Variants in CNTNAP2 observed in about 807,000 individuals in gnomAD.
CNTNAP2 encodes contactin associated protein 2.
A neutral mutation model predicts 155.2 loss-of-function variants in CNTNAP2; 98 were observed. The observed-to-expected ratio is 0.63, with a 90% CI of 0.54 to 0.75. The LOEUF (loss-of-function observed/expected upper bound fraction) is 0.75, where lower values mean the gene tolerates loss of function less well. Ranked by LOEUF, CNTNAP2 falls within the 30% of genes least tolerant of loss-of-function variation. CNTNAP2 has a pLI of 0.00. For synonymous variants in CNTNAP2, 651 were observed against 631.2 expected, an observed-to-expected ratio of 1.03 and a Z score of -0.47; for missense variants, 1,727 against 1,688.1, an observed-to-expected ratio of 1.02 and a Z score of -0.40.
At chr7:146,294,157 T>C (rs991302899) in intron 1 of CNTNAP2, among the ~76,000 whole-genome samples, 3 of 152,230 alleles carry the variant, frequency 2.0e-5, no homozygotes, top group African/African-American at 7.2e-5. Flanking sequence ...GGAGAAGTTC[T>C]TTTTAAATAC....
chr7:147,385,207 G>A (rs1334778266), intron 9 of CNTNAP2, among the ~76,000 whole-genome samples: 1 of 152,142 alleles, frequency 6.6e-6, no homozygotes, highest in East Asian at 1.9e-4. Flanking sequence ...GGGAAGTGTG[G>A]GAGTTACAAT....
chr7:147,763,127 C>G (rs989627467), intron 13 of CNTNAP2, among the ~76,000 whole-genome samples: 2 of 151,840 alleles, frequency 1.3e-5, no homozygotes, highest in African/African-American at 4.8e-5. Context: ...AGCATGGAGG[C>G]GCATGCCTGT....
intron 1 of CNTNAP2, among the ~76,000 whole-genome samples, chr7:146,514,055 G>T (rs527297231): frequency 2.2e-3 from 337 of 151,602 alleles, no homozygotes; most frequent in African/African-American, 7.8e-3. Context: ...ACCTGGCCTG[G>T]TTTTCACTGA....
chr7:146,898,499 T>A (rs1336244003), intron 3 of CNTNAP2, among the ~76,000 whole-genome samples: 1 of 150,244 alleles, frequency 6.7e-6, no homozygotes. Flanking sequence ...AAAAAAACAA[T>A]AATAATAATA....
intron 18 of CNTNAP2, among the ~76,000 whole-genome samples, chr7:148,188,410 G>C (rs568319807): frequency 6.6e-6 from 1 of 152,254 alleles, no homozygotes; most frequent in African/African-American, 2.4e-5. Context: ...TTTAGGAGTG[G>C]GGAAGACATT....
At chr7:148,183,475 CT>C (rs71527885) in intron 18 of CNTNAP2, among the ~76,000 whole-genome samples, 2,175 of 82,216 alleles carry the variant, frequency 0.026, 18 homozygotes, top group African/African-American at 0.076. Context: ...TACTTATTTG[CT>C]TTTTTTTTTT....
In CNTNAP2 at chr7:147,128,785, C is replaced by G; in HGVS notation, c.1032C>G (p.Gly344=). 1 of 1,614,018 alleles carries G rather than the reference C, an allele frequency of 6.2e-7. No individual in the cohort carries two copies. Among genetic ancestry groups the G allele is most frequent in the Non-Finnish European group, 8.5e-7 (1 of 1,179,942 alleles). Residue 344 remains glycine (G), a synonymous_variant, in exon 7 of 24, where the codon GGC becomes GGG. Transcript: ENST00000361727. ...KGCMESINYN[G]VNITDLARRK... is the part of the protein sequence containing the mutation. Reference sequence around the variant, plus strand: ...GCATGGAAAGCATCAACTACAATGGCGTCAACATTACTGATCTTGCCAGAA... The same window carrying G: ...GCATGGAAAGCATCAACTACAATGGGGTCAACATTACTGATCTTGCCAGAA...
chr7:147,752,299 G>A lies in CNTNAP2; in HGVS notation c.2098+112993G>A, dbSNP rs192804337. On this transcript the variant is annotated intron_variant, in intron 13 of 23. Coordinates refer to ENST00000361727, the MANE Select transcript of CNTNAP2 (RefSeq NM_014141.6). The stretch of plus-strand genomic sequence containing the variant: ...TTGGGGCCACACTTTTTTTCTGAAG[G>A]GTAACCTTCAAGGTATTTTCCCTGA... Among the ~76,000 whole-genome samples the A allele has an allele frequency of 1.1e-4, 16 of 139,832 alleles. No homozygotes were observed. In the East Asian group the frequency reaches 3.2e-3, roughly 28 times the overall value. 91.7% of individuals were successfully genotyped at this position (139,832 alleles called of 152,430 possible).
chr7:146,386,214 A>C (rs1795458310), intron 1 of CNTNAP2, among the ~76,000 whole-genome samples: 1 of 152,108 alleles, frequency 6.6e-6, no homozygotes, highest in East Asian at 1.9e-4. Context: ...TCCAACACCC[A>C]AACTCCCATG....
intron 1 of CNTNAP2, among the ~76,000 whole-genome samples, chr7:146,134,164 C>A (rs943232096): frequency 6.6e-6 from 1 of 151,898 alleles, no homozygotes; most frequent in African/African-American, 2.4e-5. Flanking sequence ...GTATTTTATT[C>A]TTTTTGAAGC....
At chr7:147,182,258 C>A (rs972974136) in intron 8 of CNTNAP2, among the ~76,000 whole-genome samples, 5 of 150,944 alleles carry the variant, frequency 3.3e-5, no homozygotes, top group African/African-American at 1.2e-4. Flanking sequence ...GATAGTACAG[C>A]CCATTAATTA....
intron 12 of CNTNAP2, among the ~76,000 whole-genome samples, chr7:147,638,206 T>C (rs1795213035): frequency 6.6e-6 from 1 of 152,182 alleles, no homozygotes; most frequent in Non-Finnish European, 1.5e-5. Flanking sequence ...TGCTTCTTTT[T>C]TTCTACTGGG....
intron 13 of CNTNAP2, among the ~76,000 whole-genome samples, chr7:147,812,289 C>G (rs984889156): frequency 6.6e-6 from 1 of 152,204 alleles, no homozygotes. Flanking sequence ...TCACATTAGA[C>G]TTTTTCGTTG....
intron 17 of CNTNAP2, among the ~76,000 whole-genome samples, chr7:148,155,775 G>A (rs1422149862): frequency 6.6e-6 from 1 of 152,206 alleles, no homozygotes; most frequent in Non-Finnish European, 1.5e-5. Flanking sequence ...GGGTGGAATG[G>A]AGGGGTCCTA....
In CNTNAP2 at chr7:146,537,818, C is replaced by T. The variant is rs541687013; in HGVS notation, c.98-236453C>T. On this transcript the variant is annotated intron_variant, in intron 1 of 23. Transcript: ENST00000361727. The stretch of plus-strand genomic sequence containing the variant: ...GGCCAGTAAGACTTGGGTTGAGTTA[C>T]GTGGGGGATATTAGCAGCAGATGAC... Among the ~76,000 whole-genome samples, 15 of 152,000 alleles carry T rather than the reference C, an allele frequency of 9.9e-5. 1 individual carries two copies. In the South Asian group the frequency reaches 2.7e-3, roughly 27 times the overall value.
intron 1 of CNTNAP2, among the ~76,000 whole-genome samples, chr7:146,460,350 A>G (rs1796618594): frequency 6.6e-6 from 1 of 150,838 alleles, no homozygotes; most frequent in Non-Finnish European, 1.5e-5. Flanking sequence ...TACAGCCATT[A>G]TAAAAAAGAC....
chr7:147,534,753 A>G (rs2116731939), intron 11 of CNTNAP2, among the ~76,000 whole-genome samples: 1 of 152,332 alleles, frequency 6.6e-6, no homozygotes, highest in African/African-American at 2.4e-5. Context: ...GATTCTCACA[A>G]TCAAGATGAA....
At chr7:147,866,768 G>T (rs756016158) in intron 13 of CNTNAP2, among the ~76,000 whole-genome samples, 5,587 of 113,186 alleles carry the variant, frequency 0.049, 134 homozygotes, top group Middle Eastern at 0.12. Flanking sequence ...TTTGTTTTTT[G>T]TTGTTGTTGT....
intron 13 of CNTNAP2, among the ~76,000 whole-genome samples, chr7:147,709,021 G>T (rs543692402): frequency 6.6e-6 from 1 of 152,248 alleles, no homozygotes; most frequent in East Asian, 1.9e-4. Flanking sequence ...ACACAGAGAT[G>T]CACTGTTCAG....
Sources: gnomAD v4.1 joint callset for allele counts (sites outside exome capture counted in the v4.1 genomes callset) on GRCh38, gnomAD v4.1.1 for gene constraint, MANE v1.5 for transcripts, NCBI Gene and HGNC (gene_info 2026-07-23, HGNC 2026-07-21) for gene names.